Variants in ADARB1 observed in about 807,000 individuals in gnomAD.
ADARB1 encodes the protein adenosine deaminase RNA specific B1.
Under a neutral mutation model 52.4 loss-of-function variants are expected in ADARB1, and 10 were observed. That is an observed-to-expected ratio of 0.19 (90% confidence interval 0.12 to 0.32). The LOEUF is 0.32. ADARB1 is among the 10% of genes least tolerant of loss of function. The pLI is 1.00. For synonymous variants in ADARB1, 349 were observed against 371.1 expected (o/e 0.94, Z 0.68); for missense variants, 643 against 922.3 (o/e 0.70, Z 3.92).
At position 45,221,117 on chromosome 21, in the gene ADARB1, A is replaced by G. The variant is rs1395085221; in HGVS notation, c.1926+103A>G. ...AAGTTGTTTCATCATGTCATCATGCACAGCTTCCGAAAACGATCACTTGGA... is the reference window on the plus strand; with the variant it reads ...AAGTTGTTTCATCATGTCATCATGCGCAGCTTCCGAAAACGATCACTTGGA... On this transcript the variant is annotated intron_variant, in intron 10 of 10. Transcript: ENST00000348831. The surrounding 1 kb of genome is among the most constrained non-coding windows in gnomAD (Gnocchi z 4.9). 1.5e-6 allele frequency: 2 copies of G among 1,306,876 alleles called. No individual in the cohort carries two copies. The highest frequency in any genetic ancestry group is 1.5e-5 in the African/African-American group (1 of 67,808). The allele number at this position is 1,306,876 out of a possible 1,614,324, so 81.0% of individuals were successfully genotyped here.
At chr21:45,075,628 G>A (rs1443873287) in intron 1 of ADARB1, among the ~76,000 whole-genome samples, 2 of 152,374 alleles carry the variant, frequency 1.3e-5, no homozygotes, top group South Asian at 2.1e-4. Flanking sequence ...AAATTATTGC[G>A]TGGTGGATGG....
At chr21:45,074,969 A>C (rs2085856324) in intron 1 of ADARB1, among the ~76,000 whole-genome samples, 176 bp downstream of exon 1, 1 of 149,944 alleles carries the variant, frequency 6.7e-6, no homozygotes, top group African/African-American at 2.5e-5. Flanking sequence ...CCTCGCACCC[A>C]CCCTCCTGGG....
At chr21:45,116,804 C>A (rs1262700188) in intron 1 of ADARB1, 2 of 152,270 alleles carry the variant, frequency 1.3e-5, no homozygotes, top group African/African-American at 4.8e-5. Context: ...ACAATTACCT[C>A]CCACTGGGTC....
At chr21:45,087,439 G>A (rs2123664539) in intron 1 of ADARB1, among the ~76,000 whole-genome samples, 1 of 152,286 alleles carries the variant, frequency 6.6e-6, no homozygotes, top group East Asian at 1.9e-4. Flanking sequence ...AGAAGAAGGG[G>A]ATGCAGGAAG....
At chr21:45,075,115 C>T (rs1186198206) in intron 1 of ADARB1, among the ~76,000 whole-genome samples, 7 of 150,712 alleles carry the variant, frequency 4.6e-5, no homozygotes, top group Non-Finnish European at 7.4e-5. Flanking sequence ...CGGGACGAGG[C>T]TGCGCCCTGG....
chr21:45,198,722 G>A (rs1039542081), intron 8 of ADARB1, among the ~76,000 whole-genome samples: 4 of 151,940 alleles, frequency 2.6e-5, no homozygotes, highest in Admixed American at 1.3e-4. Flanking sequence ...ATAACTCAAA[G>A]GTTACTACAA....
chr21:45,129,697 G>A (rs1369397684), intron 2 of ADARB1, among the ~76,000 whole-genome samples: 1 of 152,214 alleles, frequency 6.6e-6, no homozygotes, highest in Non-Finnish European at 1.5e-5. Context: ...AGTGTGGACA[G>A]ATGGGAGTGG....
At chr21:45,134,473 C>T (rs564908559) in intron 2 of ADARB1, among the ~76,000 whole-genome samples, 6 of 151,926 alleles carry the variant, frequency 3.9e-5, no homozygotes, top group South Asian at 4.1e-4. Context: ...GGTGTGTGAG[C>T]GCCCGGCAGG....
intron 1 of ADARB1, among the ~76,000 whole-genome samples, chr21:45,077,549 C>G (rs1161503935): frequency 6.6e-6 from 1 of 151,972 alleles, no homozygotes; most frequent in Non-Finnish European, 1.5e-5. Flanking sequence ...CGCCTGTAGT[C>G]CCAGCTACTT....
chr21:45,162,903 G>T (rs779756784), intron 2 of ADARB1, among the ~76,000 whole-genome samples: 9 of 152,184 alleles, frequency 5.9e-5, no homozygotes, highest in Non-Finnish European at 1.2e-4. Flanking sequence ...TTCAGACCCA[G>T]ATGTGAATCT....
chr21:45,075,682 G>A (rs1419576766), intron 1 of ADARB1, among the ~76,000 whole-genome samples: 2 of 152,210 alleles, frequency 1.3e-5, no homozygotes, highest in African/African-American at 4.8e-5. Flanking sequence ...GCTGAAACGT[G>A]TTGGAGTCCC....
Position 45,223,604 on chromosome 21 carries a change from G to A in ADARB1, c.*1407G>A. 1 of 985,748 alleles carries A rather than the reference G, an allele frequency of 1.0e-6. No individual in the cohort carries two copies. The highest frequency in any genetic ancestry group is 1.2e-6 in the Non-Finnish European group (1 of 830,200). The allele number at this position is 985,748 out of a possible 1,614,324, so 61.1% of individuals were successfully genotyped here. A position where few individuals can be genotyped will look rare whatever the true frequency, so the allele number is the denominator to read the frequency against. On this transcript the variant is annotated 3_prime_UTR_variant, in exon 11 of 11. Transcript: ENST00000348831. ...TGGGTCTCCTGGGGCCATGGGGAGA[G>A]ATTGGTGCAGACCTTACCCCACAGC...
intron 1 of ADARB1, among the ~76,000 whole-genome samples, chr21:45,123,511 C>G (rs576741931): frequency 6.6e-6 from 1 of 152,170 alleles, no homozygotes; most frequent in Admixed American, 6.5e-5. Flanking sequence ...CCCTGTGTTG[C>G]CCAGGCTGTT....
chr21:45,105,829 A>G (rs1806918922), intron 1 of ADARB1, among the ~76,000 whole-genome samples: 1 of 152,262 alleles, frequency 6.6e-6, no homozygotes, highest in Non-Finnish European at 1.5e-5. Context: ...TGAAGTTCCA[A>G]GAAGCTCACC....
intron 9 of ADARB1, among the ~76,000 whole-genome samples, chr21:45,209,732 G>A (rs559564809): frequency 9.2e-5 from 14 of 152,320 alleles, no homozygotes; most frequent in African/African-American, 3.4e-4. Flanking sequence ...AAGCCTAGGT[G>A]TGTGGTTAGT....
chr21:45,102,265 C>T (rs980894700), intron 1 of ADARB1, among the ~76,000 whole-genome samples: 1 of 152,134 alleles, frequency 6.6e-6, no homozygotes, highest in Non-Finnish European at 1.5e-5. Flanking sequence ...CTGTTATCAG[C>T]ACAAGGGTTT....
chr21:45,221,132 G>A lies in ADARB1; in HGVS notation c.1926+118G>A, dbSNP rs116646897. ...GTCATCATGCACAGCTTCCGAAAACGATCACTTGGAATGATTCTTCCTTCA... is the reference window on the plus strand; with the variant it reads ...GTCATCATGCACAGCTTCCGAAAACAATCACTTGGAATGATTCTTCCTTCA... On this transcript the variant is annotated intron_variant, in intron 10 of 10. Transcript: ENST00000348831. This position sits in a 1 kb window ranked among gnomAD's most constrained non-coding sequence, Gnocchi z 4.9. The A allele has an allele frequency of 8.8e-4, 1,059 of 1,201,952 alleles. 10 individuals are homozygous for A. In the African/African-American group the frequency reaches 0.014, roughly 16 times the overall value. The allele number at this position is 1,201,952 out of a possible 1,614,324, so 74.5% of individuals were successfully genotyped here.
At chr21:45,148,200 A>G (rs544713613) in intron 2 of ADARB1, among the ~76,000 whole-genome samples, 1 of 152,092 alleles carries the variant, frequency 6.6e-6, no homozygotes, top group African/African-American at 2.4e-5. Flanking sequence ...TCACTCCTTT[A>G]TGCCCTCACG....
intron 2 of ADARB1, among the ~76,000 whole-genome samples, chr21:45,150,683 G>T (rs1026648367): frequency 5.3e-5 from 8 of 152,178 alleles, no homozygotes; most frequent in Admixed American, 2.6e-4. Context: ...AAGTGAAGGG[G>T]CTGGGCATGC....
Sources: gnomAD v4.1 joint callset for allele counts (sites outside exome capture counted in the v4.1 genomes callset) on GRCh38, gnomAD v4.1.1 for gene constraint, Gnocchi (gnomAD v3.1) non-coding constraint, MANE v1.5 for transcripts, NCBI Gene and HGNC (gene_info 2026-07-23, HGNC 2026-07-21) for gene names.